WDR41: variants seen among roughly 807,000 people sequenced by gnomAD.
WDR41 encodes the protein WD repeat domain 41, also known as WD repeat-containing protein 41.
A neutral mutation model predicts 69.3 loss-of-function variants in WDR41; 63 were observed. That is an observed-to-expected ratio of 0.91 (90% CI 0.74 to 1.12). The LOEUF (loss-of-function observed/expected upper bound fraction) is 1.12, where lower values mean the gene tolerates loss of function less well. WDR41 is among the 50% of genes most tolerant of loss of function. The pLI, the probability that WDR41 is intolerant of heterozygous loss-of-function variation, is 0.00. For synonymous variants in WDR41, 185 were observed against 192.1 expected (o/e 0.96, Z 0.31); for missense variants, 543 against 534.5 (o/e 1.02, Z -0.16).
Position 77,489,525 on chromosome 5 carries a change from G to A in WDR41, c.99C>T (p.Tyr33=), listed in dbSNP as rs1801672642. The A allele has an allele frequency of 6.2e-7, 1 of 1,608,014 alleles. No homozygotes were observed. The highest frequency in any genetic ancestry group is 8.5e-7 in the Non-Finnish European group (1 of 1,177,864). ...TIGEEQTQNP[Y]TELLVLKAHH... is the part of the protein sequence containing the mutation. ...GAGCCTTCAGTACTAGCAGTTCAGT[G>A]TAGGGATTCTGGGTTTGTTCTTCAC... Residue 33 remains tyrosine, a synonymous_variant, in exon 2 of 13, where the codon TAC becomes TAT. Coordinates refer to ENST00000296679, the MANE Select transcript of WDR41 (RefSeq NM_018268.4).
At chr5:77,534,557 C>G (rs1742930658) in intron 1 of WDR41, among the ~76,000 whole-genome samples, 1 of 152,056 alleles carries the variant, frequency 6.6e-6, no homozygotes, top group African/African-American at 2.4e-5. Context: ...CTTCAGCCTC[C>G]CAAGTAGCTG....
chr5:77,554,405 A>G (rs929309296), intron 1 of WDR41, among the ~76,000 whole-genome samples: 2 of 152,078 alleles, frequency 1.3e-5, no homozygotes, highest in African/African-American at 4.8e-5. Flanking sequence ...TTAGGTCATA[A>G]TGGTAGAGCC....
intron 1 of WDR41, among the ~76,000 whole-genome samples, chr5:77,577,138 G>T (rs1561229132): frequency 6.6e-6 from 1 of 151,962 alleles, no homozygotes; most frequent in Non-Finnish European, 1.5e-5. Context: ...CATATTCTCA[G>T]GGAAAAAAAT....
chr5:77,461,291 A>G (rs947869028), intron 4 of WDR41, among the ~76,000 whole-genome samples: 1 of 152,014 alleles, frequency 6.6e-6, no homozygotes, highest in African/African-American at 2.4e-5. Context: ...ACAAACATAC[A>G]TATATGTGTG....
chr5:77,464,947 AT>A (rs1800240755), intron 2 of WDR41, 138 bp from the exon 3 acceptor site: 1 of 844,986 alleles, frequency 1.2e-6, no homozygotes. Flanking sequence ...TTTAAAAAAT[AT>A]TTATGAAACA....
intron 1 of WDR41, among the ~76,000 whole-genome samples, chr5:77,619,432 C>T (rs985592639): frequency 6.6e-6 from 1 of 152,144 alleles, no homozygotes; most frequent in African/African-American, 2.4e-5. Context: ...CCCTGTGTTC[C>T]AGGGCAGACT....
intron 1 of WDR41, among the ~76,000 whole-genome samples, chr5:77,509,737 G>A (rs538952043): frequency 2.0e-5 from 3 of 152,296 alleles, no homozygotes; most frequent in East Asian, 3.9e-4. Flanking sequence ...GTTTCTTCTT[G>A]AGGTGACGAA....
rs111362823 is a variant in WDR41, at chr5:77,543,862, T to C, written c.43-54290A>G. The stretch of plus-strand genomic sequence containing the variant: ...GCCTAGCCACATTGTCATCAGATTA[T>C]CTAAAGTTAAGATGAAGAAAAAAAT... On this transcript the variant is annotated intron_variant, in intron 1 of 5. Coordinates refer to the WDR41 transcript ENST00000509971. Among the ~76,000 whole-genome samples, 384 of 152,216 alleles carry C rather than the reference T, an allele frequency of 2.5e-3. 2 individuals carry two copies. Among genetic ancestry groups the C allele is most frequent in the African/African-American group, 8.7e-3 (359 of 41,486 alleles).
intron 12 of WDR41, among the ~76,000 whole-genome samples, chr5:77,435,606 T>C (rs868194731): frequency 1.3e-5 from 2 of 152,322 alleles, no homozygotes; most frequent in Middle Eastern, 3.4e-3. Flanking sequence ...GGAAGAACAA[T>C]TTAAGAAATT....
intron 2 of WDR41, among the ~76,000 whole-genome samples, chr5:77,466,821 T>C (rs2151328991): frequency 6.6e-6 from 1 of 151,402 alleles, no homozygotes; most frequent in South Asian, 2.1e-4. Flanking sequence ...TTTTTTTTTT[T>C]TGCCATTTCA....
In WDR41 at chr5:77,437,492, G is replaced by GA. The variant is rs1296401273; in HGVS notation, c.1005-69dup. On this transcript the variant is annotated intron_variant, in intron 10 of 12. Coordinates refer to ENST00000296679, the MANE Select transcript of WDR41 (RefSeq NM_018268.4). ...TGAGGGCCAATGCTAAATTTGCAGT[G>GA]AAAGAAATCAGTGGAGCCCTCAACT... The GA allele has an allele frequency of 5.1e-6, 7 of 1,380,240 alleles. No individual in the cohort carries two copies. The African/African-American group carries it at 8.5e-5, about 17-fold the overall frequency. The allele number at this position is 1,380,240 out of a possible 1,614,324, so 85.5% of individuals were successfully genotyped here.
At chr5:77,488,594 T>C (rs147204668) in intron 2 of WDR41, among the ~76,000 whole-genome samples, 1 of 150,232 alleles carries the variant, frequency 6.7e-6, no homozygotes, top group Non-Finnish European at 1.5e-5. Flanking sequence ...GAGATGAAAG[T>C]GGAAAAACTA....
intron 8 of WDR41, among the ~76,000 whole-genome samples, chr5:77,442,901 A>AAAAAAAAAAAAAAAAAAAT (rs1799228217): frequency 6.7e-6 from 1 of 148,180 alleles, no homozygotes; most frequent in African/African-American, 2.5e-5. Context: ...CCCCAAAAAA[A>AAAAAAAAAAAAAAAAAAAT]AAAAAAAAAA....
chr5:77,486,690 A>C (rs900169985), intron 2 of WDR41, among the ~76,000 whole-genome samples: 26 of 152,086 alleles, frequency 1.7e-4, no homozygotes, highest in Non-Finnish European at 3.5e-4. Context: ...TTCAGCTGAG[A>C]CCTTCAGCTG....
At chr5:77,508,671 T>G (rs564908682) in intron 1 of WDR41, among the ~76,000 whole-genome samples, 3 of 152,368 alleles carry the variant, frequency 2.0e-5, no homozygotes, top group Admixed American at 6.5e-5. Context: ...TATTGAAAGC[T>G]GAACATTTTT....
chr5:77,531,464 C>T (rs1188263576), intron 1 of WDR41, among the ~76,000 whole-genome samples: 1 of 151,772 alleles, frequency 6.6e-6, no homozygotes, highest in East Asian at 1.9e-4. Flanking sequence ...ACTTTGCGCC[C>T]ACTAAGATGG....
chr5:77,448,868 A>AAAACAAACAAACAAAC (rs10646790), intron 8 of WDR41, among the ~76,000 whole-genome samples: 40 of 149,294 alleles, frequency 2.7e-4, no homozygotes, highest in African/African-American at 7.0e-4. Flanking sequence ...ACTCCATCTC[A>AAAACAAACAAACAAAC]AAACAAACAA....
chr5:77,540,312 A>G (rs1180369417), intron 1 of WDR41: 1 of 152,218 alleles, frequency 6.6e-6, no homozygotes, highest in African/African-American at 2.4e-5. Context: ...CCTTGGGGAT[A>G]TATGGTCACA....
At chr5:77,482,859 GAAA>G (rs200988288) in intron 2 of WDR41, among the ~76,000 whole-genome samples, 1 of 107,052 alleles carries the variant, frequency 9.3e-6, no homozygotes, top group African/African-American at 3.5e-5. Flanking sequence ...ACATCTACCT[GAAA>G]AAAAAAAAAA....
Sources: gnomAD v4.1 joint callset for allele counts (sites outside exome capture counted in the v4.1 genomes callset) on GRCh38, gnomAD v4.1.1 for gene constraint, MANE v1.5 for transcripts, NCBI Gene and HGNC (gene_info 2026-07-23, HGNC 2026-07-21) for gene names.